HS3ST5: variants seen among roughly 807,000 people sequenced by gnomAD.
HS3ST5 encodes heparan sulfate glucosamine 3-O-sulfotransferase 5.
Under a neutral mutation model 25.4 loss-of-function variants are expected in HS3ST5, and 10 were observed. That is an observed-to-expected ratio of 0.39 (90% CI 0.24 to 0.67). The LOEUF (loss-of-function observed/expected upper bound fraction) is 0.67, where lower values mean the gene tolerates loss of function less well. HS3ST5 is among the 30% of genes least tolerant of loss of function. The probability of loss-of-function intolerance (pLI) is 0.44; values close to 1 mark genes in which losing one functional copy is unlikely to be tolerated. For synonymous variants in HS3ST5, 170 were observed against 162.4 expected, an observed-to-expected ratio of 1.05 and a Z score of -0.36; for missense variants, 324 against 420.7, an observed-to-expected ratio of 0.77 and a Z score of 2.01.
intron 2 of HS3ST5, among the ~76,000 whole-genome samples, chr6:114,189,459 A>T (rs1343806105): frequency 6.6e-6 from 1 of 151,686 alleles, no homozygotes; most frequent in Non-Finnish European, 1.5e-5. Context: ...CTCCTCCATT[A>T]AAAAAAATCT....
chr6:114,242,925 T>A (rs933363231), intron 1 of HS3ST5, among the ~76,000 whole-genome samples: 1 of 151,998 alleles, frequency 6.6e-6, no homozygotes, highest in Non-Finnish European at 1.5e-5. Context: ...GATTTGACCA[T>A]GTGACTTGTG....
intron 3 of HS3ST5, among the ~76,000 whole-genome samples, chr6:114,141,487 G>A (rs1455535306): frequency 6.6e-6 from 1 of 152,194 alleles, no homozygotes; most frequent in Non-Finnish European, 1.5e-5. Context: ...TATGCTAAAT[G>A]TGTGCAGTAT....
chr6:114,109,133 A>T lies in HS3ST5; in HGVS notation c.-32-46256T>A, dbSNP rs149295339. Among the ~76,000 whole-genome samples the T allele has an allele frequency of 3.6e-3, 550 of 152,224 alleles. 4 individuals carry two copies. Among genetic ancestry groups the T allele is most frequent in the African/African-American group, 0.013 (538 of 41,550 alleles). ...ACCTGTGTTTGTGCCACTGCACTCC[A>T]GCCTGGGTGACAAAGTGAAACCCTG... On this transcript the variant is annotated intron_variant, in intron 3 of 4. Coordinates refer to ENST00000312719, the MANE Select transcript of HS3ST5 (RefSeq NM_153612.4).
intron 1 of HS3ST5, among the ~76,000 whole-genome samples, chr6:114,296,049 T>C (rs1196008244): frequency 6.6e-6 from 1 of 152,198 alleles, no homozygotes; most frequent in Admixed American, 6.5e-5. Flanking sequence ...TATCTCTCAA[T>C]GTAATGGCTG....
At chr6:114,225,611 A>T (rs1439114080) in intron 2 of HS3ST5, among the ~76,000 whole-genome samples, 1 of 151,912 alleles carries the variant, frequency 6.6e-6, no homozygotes, top group Non-Finnish European at 1.5e-5. Flanking sequence ...AAATACAATG[A>T]TCAAAACTGT....
rs535119132 is a variant in HS3ST5, at chr6:114,141,951, C to A, written c.-33+26400G>T. On this transcript the variant is annotated intron_variant, in intron 3 of 4. Coordinates refer to ENST00000312719, the MANE Select transcript of HS3ST5 (RefSeq NM_153612.4). The stretch of plus-strand genomic sequence containing the variant: ...ATGCGAATGGCTCTCAGATCCTTAT[C>A]TATTTGAATAAAACAAATGCTTCCC... Among the ~76,000 whole-genome samples, 3 of 151,380 alleles carry A rather than the reference C, an allele frequency of 2.0e-5. No individual in the cohort carries two copies. In the East Asian group the frequency reaches 5.9e-4, roughly 30 times the overall value.
chr6:114,329,473 G>T (rs73544443), intron 1 of HS3ST5, among the ~76,000 whole-genome samples: 9,622 of 152,172 alleles, frequency 0.063, 546 homozygotes, highest in African/African-American at 0.15. Context: ...CTGCCACAGA[G>T]GCTGGCACTG....
intron 3 of HS3ST5, among the ~76,000 whole-genome samples, chr6:114,087,701 A>G (rs949708595): frequency 6.6e-6 from 1 of 152,200 alleles, no homozygotes; most frequent in Non-Finnish European, 1.5e-5. Flanking sequence ...TTTCTCTTTA[A>G]TTGGATTGTG....
intron 1 of HS3ST5, among the ~76,000 whole-genome samples, chr6:114,300,018 T>C (rs777788021): frequency 6.6e-6 from 1 of 151,936 alleles, no homozygotes. Flanking sequence ...AGCCTGATAA[T>C]ACAGCAAAGG....
At chr6:114,139,436 G>T (rs1444221835) in intron 3 of HS3ST5, among the ~76,000 whole-genome samples, 1 of 151,860 alleles carries the variant, frequency 6.6e-6, no homozygotes, top group Non-Finnish European at 1.5e-5. Context: ...GTGTGCGTTT[G>T]TTGATCACTT....
intron 3 of HS3ST5, among the ~76,000 whole-genome samples, chr6:114,073,294 A>G (rs561385618): frequency 4.1e-4 from 62 of 152,360 alleles, no homozygotes; most frequent in Admixed American, 3.3e-4. Flanking sequence ...GACAAATGGG[A>G]TCTAATTAAA....
chr6:114,202,603 T>C (rs1781079350), intron 2 of HS3ST5, among the ~76,000 whole-genome samples: 1 of 152,156 alleles, frequency 6.6e-6, no homozygotes, highest in Non-Finnish European at 1.5e-5. Context: ...GTCAGGTTCA[T>C]TTACAGGTAA....
chr6:114,284,804 T>C (rs555475266), intron 1 of HS3ST5, among the ~76,000 whole-genome samples: 1 of 151,864 alleles, frequency 6.6e-6, no homozygotes, highest in African/African-American at 2.4e-5. Context: ...TGTGAATATA[T>C]ACATATAGAT....
intron 2 of HS3ST5, among the ~76,000 whole-genome samples, chr6:114,204,663 A>C (rs1781191786): frequency 6.6e-6 from 1 of 152,084 alleles, no homozygotes; most frequent in South Asian, 2.1e-4. Flanking sequence ...TAAAACACAC[A>C]CTTTATTTTT....
chr6:114,289,785 G>A (rs1774492650), intron 1 of HS3ST5, among the ~76,000 whole-genome samples: 1 of 152,244 alleles, frequency 6.6e-6, no homozygotes, highest in Admixed American at 6.5e-5. Flanking sequence ...GACAGATAGA[G>A]CTGAACTCAG....
At chr6:114,135,812 T>C (rs374923393) in intron 3 of HS3ST5, among the ~76,000 whole-genome samples, 1 of 152,212 alleles carries the variant, frequency 6.6e-6, no homozygotes, top group South Asian at 2.1e-4. Context: ...AATGACTCAC[T>C]CACCTCCTTC....
chr6:114,153,772 A>C (rs1390617415), intron 3 of HS3ST5, among the ~76,000 whole-genome samples: 1 of 152,170 alleles, frequency 6.6e-6, no homozygotes, highest in Non-Finnish European at 1.5e-5. Context: ...CAGTGGTGTC[A>C]GCTATAGTCA....
intron 3 of HS3ST5, among the ~76,000 whole-genome samples, chr6:114,126,929 C>T (rs906771006): frequency 2.6e-5 from 4 of 152,246 alleles, no homozygotes; most frequent in East Asian, 3.9e-4. Context: ...GCCAACTGTG[C>T]GACCCTTAAG....
chr6:114,209,834 T>G (rs1383542905), intron 2 of HS3ST5, among the ~76,000 whole-genome samples: 1 of 152,202 alleles, frequency 6.6e-6, no homozygotes. Context: ...TGAATGCTTG[T>G]GTATGTTGCT....
Sources: gnomAD v4.1 joint callset for allele counts (sites outside exome capture counted in the v4.1 genomes callset) on GRCh38, gnomAD v4.1.1 for gene constraint, MANE v1.5 for transcripts, NCBI Gene and HGNC (gene_info 2026-07-23, HGNC 2026-07-21) for gene names.